SBF2: variants seen among roughly 807,000 people sequenced by gnomAD.
SBF2 encodes myotubularin-related protein 13.
SBF2 carries 112 observed loss-of-function variants against 225.2 expected under a neutral mutation model. That is an observed-to-expected ratio of 0.50 (90% CI 0.43 to 0.58). The LOEUF (loss-of-function observed/expected upper bound fraction) is 0.58, where lower values mean the gene tolerates loss of function less well. Among genes scored for constraint, SBF2 ranks in the 20% least tolerant of loss-of-function variants. The probability of loss-of-function intolerance (pLI) is 0.00; values close to 1 mark genes in which losing one functional copy is unlikely to be tolerated. For missense variants in SBF2, 1,996 were observed against 2,206.2 expected, an observed-to-expected ratio of 0.90 and a Z score of 1.91; for synonymous variants, 763 against 773.3, an observed-to-expected ratio of 0.99 and a Z score of 0.22.
intron 1 of SBF2, among the ~76,000 whole-genome samples, chr11:10,238,192 T>C (rs895104835): frequency 6.6e-6 from 1 of 152,108 alleles, no homozygotes; most frequent in Admixed American, 6.6e-5. Flanking sequence ...GAAGACTGCT[T>C]GAGTCCAGGA....
intron 17 of SBF2, among the ~76,000 whole-genome samples, chr11:9,892,358 A>G (rs1397081924): frequency 1.3e-5 from 2 of 151,796 alleles, no homozygotes; most frequent in Non-Finnish European, 2.9e-5. Context: ...GCCTCAAGTG[A>G]TCCACCACCA....
rs183819879 is a variant in SBF2 at position 10,009,355 on chromosome 11, C to T, written c.620-6666G>A. Among the ~76,000 whole-genome samples, 457 of 152,196 alleles carry T rather than the reference C, an allele frequency of 3.0e-3. 4 individuals carry two copies. The highest frequency in any genetic ancestry group is 0.011 in the African/African-American group (440 of 41,502). The stretch of plus-strand genomic sequence containing the variant: ...ACCTGTGCCATGGTGGTTTGCTGCA[C>T]CCATCAACCTGTCATCTACATTAGG... On this transcript the variant is annotated intron_variant, in intron 6 of 39. Transcript: ENST00000256190.
At chr11:10,155,828 A>C (rs146641614) in intron 2 of SBF2, among the ~76,000 whole-genome samples, 1 of 152,250 alleles carries the variant, frequency 6.6e-6, no homozygotes, top group Admixed American at 6.5e-5. Flanking sequence ...GATACAACTT[A>C]TCAAGCTATC....
chr11:9,905,877 T>C (rs1862075599), intron 16 of SBF2, among the ~76,000 whole-genome samples: 1 of 152,146 alleles, frequency 6.6e-6, no homozygotes, highest in Non-Finnish European at 1.5e-5. Flanking sequence ...AAGAGAATAT[T>C]AAAATCAACT....
chr11:9,869,226 T>A (rs1002861504), intron 17 of SBF2, among the ~76,000 whole-genome samples: 1 of 152,226 alleles, frequency 6.6e-6, no homozygotes, highest in Non-Finnish European at 1.5e-5. Context: ...CCCATAAATT[T>A]TAAAACATAT....
chr11:10,168,026 A>T (rs929548919), intron 2 of SBF2, among the ~76,000 whole-genome samples: 2 of 152,184 alleles, frequency 1.3e-5, no homozygotes, highest in Non-Finnish European at 2.9e-5. Flanking sequence ...TCAAAACAAA[A>T]AACAAAAACA....
At chr11:9,914,284 T>C (rs909375805) in intron 16 of SBF2, among the ~76,000 whole-genome samples, 12 of 152,034 alleles carry the variant, frequency 7.9e-5, no homozygotes, top group African/African-American at 2.7e-4. Flanking sequence ...ATGCTAGAGA[T>C]CAAAAACACA....
At chr11:9,896,146 G>A in intron 16 of SBF2, 135 bp from the exon 17 acceptor site, 1 of 732,010 alleles carries the variant, frequency 1.4e-6, no homozygotes, top group East Asian at 2.8e-5. Context: ...GGACCTGACG[G>A]AGGGGTTTGT....
At chr11:9,809,078 C>G in intron 30 of SBF2, 76 bp from the exon 31 acceptor site, 1 of 1,108,852 alleles carries the variant, frequency 9.0e-7, no homozygotes, top group Non-Finnish European at 1.4e-6. Context: ...TGCTTTCAAC[C>G]CTGGATAATC....
At chr11:9,911,765 C>T (rs1862636960) in intron 16 of SBF2, among the ~76,000 whole-genome samples, 1 of 152,160 alleles carries the variant, frequency 6.6e-6, no homozygotes, top group Non-Finnish European at 1.5e-5. Context: ...TGTATTTTTG[C>T]TTTACCATTT....
At chr11:9,991,004 TGAATA>T (rs544804445) in intron 12 of SBF2, among the ~76,000 whole-genome samples, 1 of 152,184 alleles carries the variant, frequency 6.6e-6, no homozygotes, top group Non-Finnish European at 1.5e-5. Flanking sequence ...AAGATAAATT[TGAATA>T]GAAAAGAAAG....
chr11:10,249,381 G>A (rs2135482491), intron 1 of SBF2, among the ~76,000 whole-genome samples: 1 of 152,120 alleles, frequency 6.6e-6, no homozygotes, highest in South Asian at 2.1e-4. Flanking sequence ...GTGAAATATG[G>A]CTTTCTCGAA....
At chr11:10,223,399 T>TTTTTTATATATATA (rs1279386744) in intron 1 of SBF2, among the ~76,000 whole-genome samples, 1 of 59,278 alleles carries the variant, frequency 1.7e-5, no homozygotes, top group Non-Finnish European at 3.4e-5. Flanking sequence ...ATTTTGCACA[T>TTTTTTATATATATA]TATATATATA....
At chr11:9,999,798 G>C (rs1947876115) in intron 8 of SBF2, among the ~76,000 whole-genome samples, 1 of 152,132 alleles carries the variant, frequency 6.6e-6, no homozygotes, top group African/African-American at 2.4e-5. Context: ...AAAGAATGAT[G>C]ACTATACGAA....
intron 16 of SBF2, among the ~76,000 whole-genome samples, chr11:9,915,403 C>G (rs748849765): frequency 6.7e-6 from 1 of 148,386 alleles, no homozygotes; most frequent in Admixed American, 6.8e-5. Flanking sequence ...GCCGAGATCG[C>G]GCCACTGTAC....
chr11:10,182,189 G>A (rs1338957442), intron 2 of SBF2, among the ~76,000 whole-genome samples: 1 of 152,176 alleles, frequency 6.6e-6, no homozygotes, highest in South Asian at 2.1e-4. Context: ...ATGTATGGAT[G>A]TATAGATGTA....
At chr11:10,057,715 G>A (rs1227033115) in intron 2 of SBF2, among the ~76,000 whole-genome samples, 1 of 152,124 alleles carries the variant, frequency 6.6e-6, no homozygotes, top group African/African-American at 2.4e-5. Context: ...GGAGTACCAA[G>A]TCATGAACTA....
intron 2 of SBF2, among the ~76,000 whole-genome samples, chr11:10,100,041 T>A (rs936891227): frequency 6.6e-6 from 1 of 152,102 alleles, no homozygotes; most frequent in Non-Finnish European, 1.5e-5. Flanking sequence ...AGTTCTTCAA[T>A]AAAAAGACAA....
At chr11:9,921,192 T>C (rs942967520) in intron 16 of SBF2, among the ~76,000 whole-genome samples, 2 of 148,098 alleles carry the variant, frequency 1.4e-5, no homozygotes, top group East Asian at 4.2e-4. Context: ...TGCCTCAGCC[T>C]CCCAAGTAGA....
Sources: allele counts gnomAD v4.1 joint callset (sites outside exome capture counted in the v4.1 genomes callset), GRCh38; gene constraint gnomAD v4.1.1; transcripts MANE v1.5; gene names NCBI Gene and HGNC (gene_info 2026-07-23, HGNC 2026-07-21).